GPR158: variants seen among roughly 807,000 people sequenced by gnomAD.
GPR158 encodes the protein metabotropic glycine receptor.
A neutral mutation model predicts 78.2 loss-of-function variants in GPR158; 30 were observed. The observed-to-expected ratio is 0.38, with a 90% CI of 0.29 to 0.52. The LOEUF (loss-of-function observed/expected upper bound fraction) is 0.52. Among genes scored for constraint, GPR158 ranks in the 20% least tolerant of loss-of-function variants. GPR158 has a pLI of 0.83. For missense variants in GPR158, 1,463 were observed against 1,523.5 expected, an observed-to-expected ratio of 0.96 and a Z score of 0.66; for synonymous variants, 581 against 591.1, an observed-to-expected ratio of 0.98 and a Z score of 0.25.
chr10:25,522,136 T>C (rs1836285771), intron 5 of GPR158, among the ~76,000 whole-genome samples: 3 of 152,242 alleles, frequency 2.0e-5, no homozygotes, highest in African/African-American at 7.2e-5. Flanking sequence ...TCACTTAGTC[T>C]TTTGGGGTCT....
At chr10:25,321,744 C>A (rs560939190) in intron 2 of GPR158, among the ~76,000 whole-genome samples, 2 of 152,024 alleles carry the variant, frequency 1.3e-5, no homozygotes, top group East Asian at 1.9e-4. Flanking sequence ...TTTCATTGAG[C>A]CTGCCTAGAA....
intron 5 of GPR158, among the ~76,000 whole-genome samples, chr10:25,527,358 C>T (rs1357701323): frequency 6.6e-6 from 1 of 151,916 alleles, no homozygotes; most frequent in East Asian, 1.9e-4. Context: ...TAAAATGAAT[C>T]CCTATAAACT....
Position 25,530,506 on chromosome 10 carries a change from G to A in GPR158, c.1405-20470G>A, listed in dbSNP as rs570266740. On this transcript the variant is annotated intron_variant, in intron 5 of 10. Coordinates refer to ENST00000376351, the MANE Select transcript of GPR158 (RefSeq NM_020752.3). Reference sequence around the variant, plus strand: ...CCTTTTGAAGTATCTGCAGCTAAGCGTCCTTGCCCCACCTCCCCGCAGAAG... The same window carrying A: ...CCTTTTGAAGTATCTGCAGCTAAGCATCCTTGCCCCACCTCCCCGCAGAAG... Among the ~76,000 whole-genome samples, 29 of 152,174 alleles carry A rather than the reference G, an allele frequency of 1.9e-4. 1 individual carries two copies. Among genetic ancestry groups the A allele is most frequent in the Admixed American group, 4.6e-4 (7 of 15,274 alleles).
At chr10:25,264,743 C>T (rs919961505) in intron 2 of GPR158, among the ~76,000 whole-genome samples, 15 of 152,132 alleles carry the variant, frequency 9.9e-5, no homozygotes, top group East Asian at 3.9e-4. Context: ...TTACTTTTGT[C>T]GATAGTATCT....
intron 2 of GPR158, among the ~76,000 whole-genome samples, chr10:25,248,677 T>C (rs1853741391): frequency 6.6e-6 from 1 of 151,142 alleles, no homozygotes; most frequent in African/African-American, 2.4e-5. Context: ...GATCTATATC[T>C]CTGTTTTGGT....
At chr10:25,446,038 G>A (rs773021147) in intron 4 of GPR158, among the ~76,000 whole-genome samples, 1 of 152,088 alleles carries the variant, frequency 6.6e-6, no homozygotes, top group Non-Finnish European at 1.5e-5. Flanking sequence ...GAATGGAAGA[G>A]GTACCTCAGA....
chr10:25,240,003 TG>T (rs1211398612), intron 2 of GPR158, among the ~76,000 whole-genome samples: 1 of 152,206 alleles, frequency 6.6e-6, no homozygotes, highest in Non-Finnish European at 1.5e-5. Context: ...ACAATCTTTG[TG>T]GGAAGATAGA....
chr10:25,435,434 G>A (rs1339175163), intron 4 of GPR158, among the ~76,000 whole-genome samples: 1 of 152,000 alleles, frequency 6.6e-6, no homozygotes, highest in East Asian at 1.9e-4. Flanking sequence ...TGGGGATGGG[G>A]GGAAGAATAG....
At chr10:25,199,615 G>C (rs925429943) in intron 1 of GPR158, among the ~76,000 whole-genome samples, 3 of 152,136 alleles carry the variant, frequency 2.0e-5, no homozygotes, top group African/African-American at 7.2e-5. Flanking sequence ...CCCCCATGCT[G>C]TTCTCATGAT....
intron 1 of GPR158, among the ~76,000 whole-genome samples, chr10:25,217,888 T>C (rs367803104): frequency 6.6e-6 from 1 of 152,136 alleles, no homozygotes; most frequent in Non-Finnish European, 1.5e-5. Flanking sequence ...CACGCTTTTT[T>C]TTTGACCCTC....
At chr10:25,449,024 A>C (rs1835178915) in intron 4 of GPR158, among the ~76,000 whole-genome samples, 1 of 152,216 alleles carries the variant, frequency 6.6e-6, no homozygotes, top group Non-Finnish European at 1.5e-5. Context: ...GACACTGTTT[A>C]GTCATTAAAT....
rs182908072 is a variant in GPR158, at chr10:25,514,738, T to C, written c.1405-36238T>C. Among the ~76,000 whole-genome samples the C allele has an allele frequency of 2.1e-3, 324 of 152,290 alleles. 1 individual carries two copies. Among genetic ancestry groups the C allele is most frequent in the Non-Finnish European group, 3.8e-3 (260 of 68,010 alleles). On this transcript the variant is annotated intron_variant, in intron 5 of 10. Coordinates refer to ENST00000376351, the MANE Select transcript of GPR158 (RefSeq NM_020752.3). ...TGTGAATTCTCTTAGCATTTGTTTG[T>C]CTGTAAAACACTGTTTCTTTCCTTC...
intron 2 of GPR158, among the ~76,000 whole-genome samples, chr10:25,373,429 T>C (rs574435856): frequency 1.9e-4 from 29 of 152,086 alleles, no homozygotes; most frequent in African/African-American, 7.0e-4. Flanking sequence ...CAAATATGTG[T>C]CTGTAATAAT....
At chr10:25,552,801 ACTGTG>A (rs1333089226) in intron 6 of GPR158, among the ~76,000 whole-genome samples, 1 of 152,098 alleles carries the variant, frequency 6.6e-6, no homozygotes, top group East Asian at 1.9e-4. Context: ...AACACCTAAC[ACTGTG>A]GTCTGCGAGA....
At chr10:25,299,296 ATAT>A (rs796919032) in intron 2 of GPR158, among the ~76,000 whole-genome samples, 16 of 152,276 alleles carry the variant, frequency 1.1e-4, no homozygotes, top group African/African-American at 3.6e-4. Flanking sequence ...ATACAGTACA[ATAT>A]TATTAGCTAT....
chr10:25,352,011 C>T (rs1206073262), intron 2 of GPR158, among the ~76,000 whole-genome samples: 1 of 128,478 alleles, frequency 7.8e-6, no homozygotes, highest in Non-Finnish European at 1.8e-5. Context: ...TTTAATAATG[C>T]ATAGCCACTA....
intron 5 of GPR158, among the ~76,000 whole-genome samples, chr10:25,532,290 A>G (rs1836434276): frequency 8.5e-6 from 1 of 117,800 alleles, no homozygotes. Flanking sequence ...ATACTAAGCT[A>G]AAGAGGTGGG....
chr10:25,566,599 T>G (rs564284270), intron 6 of GPR158, among the ~76,000 whole-genome samples: 99 of 152,310 alleles, frequency 6.5e-4, no homozygotes, highest in African/African-American at 2.3e-3. Flanking sequence ...TGAGAACTCA[T>G]GCAGCTCACA....
At chr10:25,207,027 T>C (rs1046241300) in intron 1 of GPR158, among the ~76,000 whole-genome samples, 2 of 151,962 alleles carry the variant, frequency 1.3e-5, no homozygotes, top group African/African-American at 4.8e-5. Context: ...TAATGGATAC[T>C]TGCACATGAA....
Sources: allele counts gnomAD v4.1 joint callset (sites outside exome capture counted in the v4.1 genomes callset), GRCh38; gene constraint gnomAD v4.1.1; transcripts MANE v1.5; gene names NCBI Gene and HGNC (gene_info 2026-07-23, HGNC 2026-07-21).